Variants in ATP6V0D2 observed in about 807,000 individuals in gnomAD.
ATP6V0D2 encodes ATPase H+ transporting V0 subunit d2, also known as V-type proton ATPase subunit d 2.
In ATP6V0D2, 40 loss-of-function variants were observed where a neutral mutation model predicts 40.0. That is an observed-to-expected ratio of 1.00 (90% CI 0.78 to 1.30). The LOEUF is 1.30. Ranked by LOEUF, ATP6V0D2 falls within the 50% of genes most tolerant of loss-of-function variation. The pLI is 0.00. For synonymous variants in ATP6V0D2, 179 were observed against 156.3 expected, an observed-to-expected ratio of 1.15 and a Z score of -1.08; for missense variants, 470 against 423.1, an observed-to-expected ratio of 1.11 and a Z score of -0.97.
chr8:86,109,047 G>A (rs1586086020), intron 1 of ATP6V0D2, among the ~76,000 whole-genome samples: 1 of 152,130 alleles, frequency 6.6e-6, no homozygotes, highest in Middle Eastern at 3.4e-3. Context: ...TTAATAAAAA[G>A]GAAAAAACAC....
At chr8:86,111,990 C>A (rs2130236646) in intron 1 of ATP6V0D2, among the ~76,000 whole-genome samples, 1 of 152,264 alleles carries the variant, frequency 6.6e-6, no homozygotes, top group East Asian at 1.9e-4. Flanking sequence ...ATCTTTGGGT[C>A]TCCTGTAGTT....
At chr8:86,122,915 C>T (rs1024949804) in intron 2 of ATP6V0D2, among the ~76,000 whole-genome samples, 3 of 152,132 alleles carry the variant, frequency 2.0e-5, no homozygotes, top group African/African-American at 7.2e-5. Flanking sequence ...AGAGGTTGAC[C>T]AGGTGAAGGG....
At chr8:86,114,648 C>T (rs546443415) in intron 2 of ATP6V0D2, among the ~76,000 whole-genome samples, 4 of 151,440 alleles carry the variant, frequency 2.6e-5, no homozygotes, top group East Asian at 3.9e-4. Context: ...CCAGCGAGGG[C>T]GACAGAATGA....
intron 3 of ATP6V0D2, 82 bp downstream of exon 3, chr8:86,139,717 T>C: frequency 1.4e-6 from 2 of 1,424,084 alleles, no homozygotes; most frequent in Non-Finnish European, 1.9e-6. Flanking sequence ...TTCTTCCCTG[T>C]GGTCCAAAAG....
intron 2 of ATP6V0D2, among the ~76,000 whole-genome samples, chr8:86,135,508 T>G (rs1307470015): frequency 1.3e-5 from 2 of 152,252 alleles, no homozygotes; most frequent in Non-Finnish European, 2.9e-5. Flanking sequence ...AGGTATTTAG[T>G]ACTGCTAAGC....
intron 2 of ATP6V0D2, among the ~76,000 whole-genome samples, chr8:86,131,454 C>A (rs1301474219): frequency 6.6e-6 from 1 of 151,968 alleles, no homozygotes; most frequent in Non-Finnish European, 1.5e-5. Context: ...CCGCCTTAGC[C>A]TCCCAAAATG....
intron 6 of ATP6V0D2, 68 bp downstream of exon 6, chr8:86,150,356 C>A: frequency 6.8e-7 from 1 of 1,459,876 alleles, no homozygotes; most frequent in South Asian, 1.3e-5. Context: ...TAGAAGCTCA[C>A]ACATCAAATT....
intron 5 of ATP6V0D2, among the ~76,000 whole-genome samples, chr8:86,144,999 A>G (rs1482688035): frequency 2.2e-5 from 1 of 45,248 alleles, no homozygotes; most frequent in Admixed American, 1.8e-4. Context: ...TACTAACAAT[A>G]CAAAAAAAAA....
At chr8:86,121,884 A>T (rs1818676183) in intron 2 of ATP6V0D2, among the ~76,000 whole-genome samples, 1 of 152,232 alleles carries the variant, frequency 6.6e-6, no homozygotes, top group Non-Finnish European at 1.5e-5. Flanking sequence ...AGTTGGTATA[A>T]TAAATACAAT....
intron 2 of ATP6V0D2, 50 bp downstream of exon 2, chr8:86,113,930 G>A: frequency 2.0e-6 from 3 of 1,522,270 alleles, no homozygotes; most frequent in Middle Eastern, 1.8e-4. Context: ...TCGTGCGGAT[G>A]ACCCCTAACA....
At chr8:86,144,755 C>T (rs1413747493) in intron 5 of ATP6V0D2, among the ~76,000 whole-genome samples, 1 of 152,068 alleles carries the variant, frequency 6.6e-6, no homozygotes, top group Non-Finnish European at 1.5e-5. Flanking sequence ...CAGCCTCGAC[C>T]TCTTGGGCTC....
At position 86,152,912 on chromosome 8, in the gene ATP6V0D2, T is replaced by C; in HGVS notation, c.988T>C (p.Trp330Arg). ...GGAACAGGAAATTAGAAATATTGTG[T>C]GGATAGCAGAATGTATTTCACAGAG... ...LKEQEIRNIV[W>R]IAECISQRHR... Residue 330 changes from tryptophan to arginine, a missense_variant, in exon 8 of 8, where the codon TGG becomes CGG. Transcript: ENST00000285393. 1.9e-6 allele frequency: 3 copies of C among 1,612,418 alleles called. No individual in the cohort carries two copies. The highest frequency in any genetic ancestry group is 2.2e-5 in the South Asian group (2 of 90,778).
At chr8:86,100,528 A>G (rs1818383181) in intron 1 of ATP6V0D2, among the ~76,000 whole-genome samples, 1 of 152,186 alleles carries the variant, frequency 6.6e-6, no homozygotes, top group Non-Finnish European at 1.5e-5. Context: ...CAGAGTTCAG[A>G]CAGAACCACC....
chr8:86,100,426 C>T (rs190475364), intron 1 of ATP6V0D2, among the ~76,000 whole-genome samples: 24 of 152,206 alleles, frequency 1.6e-4, no homozygotes, highest in African/African-American at 5.5e-4. Context: ...CAAAAACGAA[C>T]CAATGAACCT....
chr8:86,102,202 T>A (rs1818408794), intron 1 of ATP6V0D2, among the ~76,000 whole-genome samples: 1 of 152,202 alleles, frequency 6.6e-6, no homozygotes, highest in Non-Finnish European at 1.5e-5. Context: ...AAATAATGAC[T>A]GCTCTACCTG....
chr8:86,136,065 T>G (rs1436257554), intron 2 of ATP6V0D2, among the ~76,000 whole-genome samples: 1 of 152,106 alleles, frequency 6.6e-6, no homozygotes, highest in Non-Finnish European at 1.5e-5. Context: ...TGCCCCTCAT[T>G]GTGGGCCAAG....
In ATP6V0D2 at chr8:86,150,184, G is replaced by C. The variant is rs1819124029; in HGVS notation, c.712G>C (p.Glu238Gln). The change falls in exon 6 of 8, where the codon GAG becomes CAG. Residue 238 changes from glutamate (E) to glutamine (Q), a missense_variant. By Grantham distance (29) the Glu-to-Gln change is conservative. Transcript: ENST00000285393. ...CACTGAATTGAGCAAAGAAGACCGA[G>C]AGACCCTCTATCCAACCTTCGGCAA... ...FGTELSKEDR[E>Q]TLYPTFGKLY... The C allele has an allele frequency of 6.2e-7, 1 of 1,613,414 alleles. No homozygotes were observed. The highest frequency in any genetic ancestry group is 2.2e-5 in the East Asian group (1 of 44,768).
chr8:86,124,830 A>G (rs1401891896), intron 2 of ATP6V0D2, among the ~76,000 whole-genome samples: 1 of 152,220 alleles, frequency 6.6e-6, no homozygotes, highest in African/African-American at 2.4e-5. Flanking sequence ...CTGTGACTAC[A>G]TAGATCACAC....
chr8:86,110,737 G>C (rs1234286749), intron 1 of ATP6V0D2, among the ~76,000 whole-genome samples: 5 of 152,144 alleles, frequency 3.3e-5, no homozygotes, highest in Admixed American at 6.6e-5. Flanking sequence ...ACCAAAACTT[G>C]ATGATTTGGA....
Sources: gnomAD v4.1 joint callset for allele counts (sites outside exome capture counted in the v4.1 genomes callset) on GRCh38, gnomAD v4.1.1 for gene constraint, MANE v1.5 for transcripts, NCBI Gene and HGNC (gene_info 2026-07-23, HGNC 2026-07-21) for gene names.